Variants in TMEM177 observed in about 807,000 individuals in gnomAD.
TMEM177 encodes the protein transmembrane protein 177.
Under a neutral mutation model 14.2 loss-of-function variants are expected in TMEM177, and 4 were observed. That is an observed-to-expected ratio of 0.28 (90% confidence interval 0.14 to 0.64). TMEM177 has a LOEUF of 0.64. Ranked by LOEUF, TMEM177 falls within the 30% of genes least tolerant of loss-of-function variation. The pLI, the probability that TMEM177 is intolerant of heterozygous loss-of-function variation, is 0.82. For missense variants in TMEM177, 344 were observed against 405.2 expected (o/e 0.85, Z 1.30); for synonymous variants, 179 against 174.5 (o/e 1.03, Z -0.20).
Position 119,680,915 on chromosome 2 carries a change from T to C in TMEM177, c.62T>C (p.Val21Ala). ...FVQRHRTGLL[V>A]GSCAGLFGVP... ...CAGAGACACAGGACAGGCCTCTTGG[T>C]GGGTTCCTGTGCAGGCCTGTTTGGA... The change falls in exon 2 of 2, where the codon GTG (valine) becomes GCG (alanine). Residue 21 changes from valine to alanine, a missense_variant. Val to Ala is a moderately conservative substitution (Grantham distance 64). Coordinates refer to ENST00000272521, the MANE Select transcript of TMEM177 (RefSeq NM_030577.3). 4 of 1,614,228 alleles carry C rather than the reference T, an allele frequency of 2.5e-6. No homozygotes were observed. The highest frequency in any genetic ancestry group is 3.4e-6 in the Non-Finnish European group (4 of 1,180,032).
the TMEM177 span, among the ~76,000 whole-genome samples, chr2:119,712,467 G>A: frequency 6.6e-6 from 1 of 152,150 alleles, no homozygotes; most frequent in African/African-American, 2.4e-5. Context: ...CTAATCCAGT[G>A]TGACTGGTGT....
rs1291342191 is a variant in TMEM177 at position 119,681,462 on chromosome 2, C to T, written c.609C>T (p.Ala203=). 1 of 1,613,492 alleles carries T rather than the reference C, an allele frequency of 6.2e-7. No homozygotes were observed. The highest frequency in any genetic ancestry group is 1.3e-5 in the African/African-American group (1 of 74,954). ...LHAGPMNLRA[A]FSLVAAVAGF... ...CAGGCCCCATGAATTTACGGGCTGC[C>T]TTCAGCTTGGTGGCAGCAGTGGCAG... The change falls in exon 2 of 2, where the codon GCC becomes GCT. Residue 203 remains alanine, a synonymous_variant. Transcript: ENST00000272521.
At chr2:119,702,105 G>C in the TMEM177 span, among the ~76,000 whole-genome samples, 1 of 152,210 alleles carries the variant, frequency 6.6e-6, no homozygotes, top group Non-Finnish European at 1.5e-5. Context: ...TAATTTGTTA[G>C]TCCTGCAAAG....
downstream of TMEM177, among the ~76,000 whole-genome samples, chr2:119,685,236 A>G (rs933649924): frequency 4.0e-5 from 3 of 74,796 alleles, no homozygotes; most frequent in Non-Finnish European, 7.5e-5. Flanking sequence ...TTGCAGGCAC[A>G]CACACACACA....
chr2:119,701,037 C>A, the TMEM177 span, among the ~76,000 whole-genome samples: 1 of 152,218 alleles, frequency 6.6e-6, no homozygotes, highest in Admixed American at 6.5e-5. Context: ...GAGCCAAGGA[C>A]AGAGCTGGAG....
chr2:119,692,830 G>A, the TMEM177 span, among the ~76,000 whole-genome samples: 113 of 152,126 alleles, frequency 7.4e-4, no homozygotes, highest in Non-Finnish European at 1.3e-3. Context: ...AAAATTAGCC[G>A]GGTGTGGTGG....
At chr2:119,694,040 CCA>C in the TMEM177 span, among the ~76,000 whole-genome samples, 8 of 5,900 alleles carry the variant, frequency 1.4e-3, no homozygotes, top group African/African-American at 2.9e-3. Context: ...ATGACACATA[CCA>C]CACACATCAC....
the TMEM177 span, among the ~76,000 whole-genome samples, chr2:119,710,460 G>A: frequency 6.6e-6 from 1 of 152,140 alleles, no homozygotes; most frequent in South Asian, 2.1e-4. Flanking sequence ...CGCGAGTTTC[G>A]TGGGGCAGCA....
downstream of TMEM177, among the ~76,000 whole-genome samples, chr2:119,686,747 T>G (rs1037804400): frequency 1.3e-5 from 2 of 151,948 alleles, no homozygotes; most frequent in African/African-American, 4.8e-5. Context: ...TTTTTCTTTG[T>G]TGTAGAGATG....
At chr2:119,717,673 A>C in the TMEM177 span, among the ~76,000 whole-genome samples, 1 of 141,940 alleles carries the variant, frequency 7.0e-6, no homozygotes, top group African/African-American at 2.6e-5. Flanking sequence ...CAGTGGCGCA[A>C]TCTTGGCTCA....
At chr2:119,715,402 A>C in the TMEM177 span, among the ~76,000 whole-genome samples, 5 of 152,134 alleles carry the variant, frequency 3.3e-5, no homozygotes, top group Non-Finnish European at 7.4e-5. Flanking sequence ...AGAGAGAAAA[A>C]GAGAGAGAGA....
rs114956884 is a variant in TMEM177 at position 119,681,088 on chromosome 2, T to C, written c.235T>C (p.Cys79Arg). 1.2e-5 allele frequency: 20 copies of C among 1,614,250 alleles called. No homozygotes were observed. The highest frequency in any genetic ancestry group is 4.5e-5 in the East Asian group (2 of 44,884). The change falls in exon 2 of 2, where the codon TGC becomes CGC. Residue 79 changes from cysteine (C) to arginine (R), a missense_variant. Transcript: ENST00000272521. ...LQDIGVPSGH[C>R]YKPFTTFTFQ... Reference sequence around the variant, plus strand: ...GGACATAGGTGTTCCTTCAGGCCATTGCTACAAGCCCTTCACCACCTTCAC... The same window carrying C: ...GGACATAGGTGTTCCTTCAGGCCATCGCTACAAGCCCTTCACCACCTTCAC...
chr2:119,712,540 C>G, the TMEM177 span, among the ~76,000 whole-genome samples: 1 of 152,008 alleles, frequency 6.6e-6, no homozygotes, highest in South Asian at 2.1e-4. Context: ...GAGAAAAGGC[C>G]ACATGAAGGC....
At chr2:119,693,727 CA>C in the TMEM177 span, among the ~76,000 whole-genome samples, 2 of 152,108 alleles carry the variant, frequency 1.3e-5, no homozygotes, top group African/African-American at 2.4e-5. Context: ...ACACCTGAAG[CA>C]AAGGGCTCCT....
chr2:119,691,722 C>T, the TMEM177 span, among the ~76,000 whole-genome samples: 5 of 152,126 alleles, frequency 3.3e-5, no homozygotes, highest in Admixed American at 3.3e-4. Flanking sequence ...GAGGTCCTGA[C>T]GTGTCAAGGT....
chr2:119,715,539 C>T, the TMEM177 span, among the ~76,000 whole-genome samples: 2 of 152,190 alleles, frequency 1.3e-5, no homozygotes, highest in African/African-American at 4.8e-5. Flanking sequence ...TCAAGATCCC[C>T]GCCTCTGGAA....
In TMEM177 at chr2:119,680,942, T is replaced by C; in HGVS notation, c.89T>C (p.Val30Ala). The C allele has an allele frequency of 6.2e-7, 1 of 1,614,132 alleles. No individual in the cohort carries two copies. The highest frequency in any genetic ancestry group is 8.5e-7 in the Non-Finnish European group (1 of 1,179,998). ...GGTTCCTGTGCAGGCCTGTTTGGAG[T>C]TCCAATCTCGTACCACCTCTTCCCG... ...LVGSCAGLFG[V>A]PISYHLFPDP... The change falls in exon 2 of 2, where the codon GTT (valine) becomes GCT (alanine). Residue 30 changes from valine to alanine, a missense_variant. Coordinates refer to ENST00000272521, the MANE Select transcript of TMEM177 (RefSeq NM_030577.3).
chr2:119,687,633 A>G (rs568898683), downstream of TMEM177, among the ~76,000 whole-genome samples: 35 of 152,282 alleles, frequency 2.3e-4, no homozygotes, highest in African/African-American at 8.2e-4. Flanking sequence ...CTCCCGTGAT[A>G]CATAGGGATT....
the TMEM177 span, among the ~76,000 whole-genome samples, chr2:119,720,031 A>G: frequency 1.3e-5 from 2 of 152,106 alleles, no homozygotes; most frequent in Non-Finnish European, 1.5e-5. Context: ...CCTGACCTCA[A>G]GCAATCCTCC....
Sources: gnomAD v4.1 joint callset for allele counts (sites outside exome capture counted in the v4.1 genomes callset) on GRCh38, gnomAD v4.1.1 for gene constraint, MANE v1.5 for transcripts, NCBI Gene and HGNC (gene_info 2026-07-23, HGNC 2026-07-21) for gene names.